SLC25A26: variants seen among roughly 807,000 people sequenced by gnomAD.
The protein encoded by SLC25A26 is mitochondrial S-adenosylmethionine carrier protein.
Under a neutral mutation model 37.8 loss-of-function variants are expected in SLC25A26, and 36 were observed. The ratio of observed to expected loss-of-function variants is 0.95; its 90% CI spans 0.73 to 1.26. SLC25A26 has a LOEUF of 1.26. Among genes scored for constraint, SLC25A26 ranks in the 50% most tolerant of loss-of-function variants. SLC25A26 has a pLI of 0.00. For synonymous variants in SLC25A26, 129 were observed against 122.5 expected (o/e 1.05, Z -0.35); for missense variants, 390 against 331.1 (o/e 1.18, Z -1.38).
At chr3:66,220,034 A>G (rs1380681311), upstream of SLC25A26, among the ~76,000 whole-genome samples, 6 of 152,348 alleles carry the variant, frequency 3.9e-5, no homozygotes, top group South Asian at 6.2e-4. Flanking sequence ...GAATAATTCT[A>G]GCAGTGTTAT....
intron 1 of SLC25A26, among the ~76,000 whole-genome samples, chr3:66,213,587 C>T (rs2071317340): frequency 6.6e-6 from 1 of 151,966 alleles, no homozygotes; most frequent in South Asian, 2.1e-4. Context: ...TATTCTTTAC[C>T]AGAGGGGTAT....
intron 5 of SLC25A26, among the ~76,000 whole-genome samples, chr3:66,271,300 A>G (rs1037269778): frequency 2.6e-5 from 4 of 152,304 alleles, no homozygotes; most frequent in Admixed American, 2.0e-4. Flanking sequence ...CTTTTGTAAC[A>G]AGAAATCTGA....
chr3:66,335,069 TATATA>T (rs1234617622), intron 5 of SLC25A26, among the ~76,000 whole-genome samples: 4 of 152,206 alleles, frequency 2.6e-5, no homozygotes, highest in African/African-American at 7.2e-5. Flanking sequence ...GTTTACAAGT[TATATA>T]ATAGGTTCCA....
chr3:66,367,607 G>A (rs530090393), intron 7 of SLC25A26, among the ~76,000 whole-genome samples: 1 of 152,084 alleles, frequency 6.6e-6, no homozygotes, highest in East Asian at 1.9e-4. Flanking sequence ...GGGAAGTTTG[G>A]GATAGTAAAG....
chr3:66,297,690 T>A (rs1576822279), intron 5 of SLC25A26, among the ~76,000 whole-genome samples: 1 of 152,238 alleles, frequency 6.6e-6, no homozygotes, highest in East Asian at 1.9e-4. Context: ...ATGCAGCCAC[T>A]TTCTTTCATT....
intron 6 of SLC25A26, 107 bp downstream of exon 6, chr3:66,346,515 A>G: frequency 1.8e-6 from 1 of 548,284 alleles, no homozygotes; most frequent in Non-Finnish European, 3.1e-6. Context: ...CAGCAACTCA[A>G]ACCTATTAGC....
At chr3:66,284,594 A>T (rs1256607515) in intron 5 of SLC25A26, among the ~76,000 whole-genome samples, 1 of 152,212 alleles carries the variant, frequency 6.6e-6, no homozygotes, top group Non-Finnish European at 1.5e-5. Context: ...GAAAAAATAA[A>T]CTATGATATG....
In SLC25A26 at chr3:66,369,609, G is replaced by T. The variant is rs947748447; in HGVS notation, c.633+67G>T. On this transcript the variant is annotated intron_variant, in intron 8 of 9. Transcript: ENST00000354883. Reference sequence around the variant, plus strand: ...ATATCTGTTAGCACTAGGACTACAGGTGTATAAAGTGAACACAAATGGCTA... The same window carrying T: ...ATATCTGTTAGCACTAGGACTACAGTTGTATAAAGTGAACACAAATGGCTA... 1.1e-5 allele frequency: 15 copies of T among 1,322,912 alleles called. No homozygotes were observed. The African/African-American group carries it at 2.1e-4, about 18-fold the overall frequency. 81.9% of individuals were successfully genotyped at this position (1,322,912 alleles called of 1,614,324 possible). A position where few individuals can be genotyped will look rare whatever the true frequency, so the allele number is the denominator to read the frequency against.
At chr3:66,155,482 C>T (rs1238259309) in intron 1 of SLC25A26, among the ~76,000 whole-genome samples, 1 of 152,122 alleles carries the variant, frequency 6.6e-6, no homozygotes, top group East Asian at 1.9e-4. Context: ...TGCCACTGCA[C>T]TCCAGCCTGG....
intron 3 of SLC25A26, among the ~76,000 whole-genome samples, chr3:66,243,576 CAA>C (rs915142794): frequency 5.3e-5 from 8 of 152,088 alleles, no homozygotes; most frequent in East Asian, 1.9e-4. Context: ...GGAAAAAAGA[CAA>C]AGAGTGGAAG....
intron 1 of SLC25A26, among the ~76,000 whole-genome samples, chr3:66,170,291 T>G (rs747306466): frequency 3.3e-5 from 5 of 152,228 alleles, no homozygotes; most frequent in Non-Finnish European, 7.3e-5. Flanking sequence ...CAGGTATGAC[T>G]GAGGCACTTC....
chr3:66,140,239 T>G (rs1186421226), intron 1 of SLC25A26, among the ~76,000 whole-genome samples: 1 of 152,202 alleles, frequency 6.6e-6, no homozygotes, highest in African/African-American at 2.4e-5. Context: ...ATTACATCTC[T>G]TGACCAATTT....
At chr3:66,320,379 T>G (rs545330074) in intron 5 of SLC25A26, among the ~76,000 whole-genome samples, 3 of 152,230 alleles carry the variant, frequency 2.0e-5, no homozygotes, top group Non-Finnish European at 4.4e-5. Context: ...TGTGTTTGGC[T>G]TATTTCACTT....
intron 6 of SLC25A26, among the ~76,000 whole-genome samples, chr3:66,362,183 C>G (rs1321991920): frequency 6.6e-6 from 1 of 152,066 alleles, no homozygotes; most frequent in Admixed American, 6.5e-5. Context: ...GATTTCACCG[C>G]TAGGTATTTC....
chr3:66,188,794 C>G lies in SLC25A26; in HGVS notation c.-353-31948C>G, dbSNP rs1031280210. On this transcript the variant is annotated intron_variant, in intron 1 of 10. Coordinates refer to the SLC25A26 transcript ENST00000676754. ...CACGATTAACACCCTGGCACTGTAT[C>G]TGACTCCCTTACTCTTCAAACATTA... Among the ~76,000 whole-genome samples the G allele has an allele frequency of 3.4e-3, 517 of 151,958 alleles. 4 individuals are homozygous for G. The highest frequency in any genetic ancestry group is 0.011 in the African/African-American group (476 of 41,452).
intron 3 of SLC25A26, among the ~76,000 whole-genome samples, chr3:66,254,874 G>A (rs1478991720): frequency 1.3e-5 from 2 of 152,216 alleles, no homozygotes; most frequent in African/African-American, 4.8e-5. Context: ...AAATAGTTGC[G>A]AAGAAGATGT....
At chr3:66,362,658 ACT>A (rs1392754203) in intron 6 of SLC25A26, among the ~76,000 whole-genome samples, 200 bp from the exon 7 acceptor site, 1 of 152,096 alleles carries the variant, frequency 6.6e-6, no homozygotes, top group African/African-American at 2.4e-5. Context: ...TACTTTGAGC[ACT>A]CTAATGTAGC....
chr3:66,369,063 C>A (rs145109136), intron 7 of SLC25A26, among the ~76,000 whole-genome samples: 2,361 of 22,584 alleles, frequency 0.1, 172 homozygotes, highest in African/African-American at 0.17. Context: ...AAAAAAAAAA[C>A]AAAAGACAGT....
At chr3:66,296,855 G>C (rs2074918210) in intron 5 of SLC25A26, among the ~76,000 whole-genome samples, 1 of 152,216 alleles carries the variant, frequency 6.6e-6, no homozygotes. Flanking sequence ...GCAGGACCAA[G>C]AGGGTAAGAA....
Sources: allele counts gnomAD v4.1 joint callset (sites outside exome capture counted in the v4.1 genomes callset), GRCh38; gene constraint gnomAD v4.1.1; transcripts MANE v1.5; gene names NCBI Gene and HGNC (gene_info 2026-07-23, HGNC 2026-07-21).